IRAK1BP1: variants seen among roughly 807,000 people sequenced by gnomAD.
IRAK1BP1 encodes the protein interleukin-1 receptor-associated kinase 1-binding protein 1.
IRAK1BP1 carries 24 observed loss-of-function variants against 28.0 expected under a neutral mutation model. The ratio of observed to expected loss-of-function variants is 0.86; its 90% CI spans 0.62 to 1.20. The LOEUF (loss-of-function observed/expected upper bound fraction) is 1.20, where lower values mean the gene tolerates loss of function less well. Among genes scored for constraint, IRAK1BP1 ranks in the 50% most tolerant of loss-of-function variants. The pLI is 0.00. For synonymous variants in IRAK1BP1, 131 were observed against 116.3 expected (o/e 1.13, Z -0.81); for missense variants, 336 against 316.7 (o/e 1.06, Z -0.46).
chr6:78,874,650 T>G (rs905874086), intron 1 of IRAK1BP1, among the ~76,000 whole-genome samples: 1 of 152,184 alleles, frequency 6.6e-6, no homozygotes, highest in African/African-American at 2.4e-5. Flanking sequence ...AGTCAGAAAT[T>G]CCAGAGGGTG....
chr6:78,879,746 A>C (rs1048575441), intron 1 of IRAK1BP1, among the ~76,000 whole-genome samples: 4 of 152,020 alleles, frequency 2.6e-5, no homozygotes, highest in African/African-American at 9.7e-5. Context: ...CAGAGTCAGT[A>C]GTACATGTCA....
the IRAK1BP1 span, among the ~76,000 whole-genome samples, chr6:78,962,038 G>A: frequency 1.3e-5 from 2 of 151,842 alleles, no homozygotes; most frequent in Admixed American, 6.6e-5. Flanking sequence ...TAGGTTCACC[G>A]GGAGAAAGAA....
chr6:78,889,572 C>A (rs78675836), intron 2 of IRAK1BP1, among the ~76,000 whole-genome samples: 454 of 116,394 alleles, frequency 3.9e-3, no homozygotes, highest in Middle Eastern at 4.4e-3. Context: ...CTGAAATTTA[C>A]AAAAAAAAAA....
the IRAK1BP1 span, chr6:78,965,673 G>A: frequency 7.9e-7 from 1 of 1,267,648 alleles, no homozygotes; most frequent in Non-Finnish European, 1.1e-6. Context: ...ACTCCATAAT[G>A]GAGAAACAAA....
rs67306723 is a variant in IRAK1BP1, at chr6:78,902,768, CTACATACATACATACATACATACATACA to C, written c.*4461_*4488del. 97 of 312,118 alleles carry C rather than the reference CTACATACATACATACATACATACATACA, an allele frequency of 3.1e-4. 1 individual carries two copies. Among genetic ancestry groups the C allele is most frequent in the Middle Eastern group, 9.0e-4 (1 of 1,112 alleles). The allele number at this position is 312,118 out of a possible 1,614,324, so 19.3% of individuals were successfully genotyped here. A position where few individuals can be genotyped will look rare whatever the true frequency, so the allele number is the denominator to read the frequency against. On this transcript the variant is annotated 3_prime_UTR_variant, in exon 4 of 4. Transcript: ENST00000369940. ...CCTGGGTGACAAAGTGAGACTCCAT[CTACATACATACATACATACATACATACA>C]TACATACATACATACATACATACAT...
the IRAK1BP1 span, among the ~76,000 whole-genome samples, chr6:78,967,909 C>A: frequency 6.6e-6 from 1 of 151,714 alleles, no homozygotes; most frequent in Non-Finnish European, 1.5e-5. Flanking sequence ...CTGAGGCGGG[C>A]GGATCACAAG....
In IRAK1BP1 at chr6:78,902,818, A is replaced by G. The variant is rs896376334; in HGVS notation, c.*4484A>G. On this transcript the variant is annotated 3_prime_UTR_variant, in exon 4 of 4. Transcript: ENST00000369940. ...TACATACATACATACATACATACATACATAAAATGCCCAGTATCTTACAAG... is the reference window on the plus strand; with the variant it reads ...TACATACATACATACATACATACATGCATAAAATGCCCAGTATCTTACAAG... 1.9e-6 allele frequency: 1 copy of G among 534,818 alleles called. No individual in the cohort carries two copies. The highest frequency in any genetic ancestry group is 3.3e-6 in the Non-Finnish European group (1 of 301,302). The allele number at this position is 534,818 out of a possible 1,614,324, so 33.1% of individuals were successfully genotyped here. A position where few individuals can be genotyped will look rare whatever the true frequency, so the allele number is the denominator to read the frequency against.
intron 4 of IRAK1BP1, chr6:78,940,664 G>A (rs1325702988): frequency 7.5e-7 from 1 of 1,341,390 alleles, no homozygotes; most frequent in Non-Finnish European, 1.0e-6. Context: ...CTGCTTTATA[G>A]ATTTTGAAGT....
chr6:78,910,684 C>G (rs936059439), intron 4 of IRAK1BP1, among the ~76,000 whole-genome samples: 6 of 152,236 alleles, frequency 3.9e-5, no homozygotes, highest in African/African-American at 1.4e-4. Flanking sequence ...GACCCGGGCT[C>G]CCGCTCCTCA....
intron 4 of IRAK1BP1, among the ~76,000 whole-genome samples, chr6:78,943,413 A>T (rs1486557114): frequency 1.3e-5 from 2 of 152,208 alleles, no homozygotes; most frequent in Non-Finnish European, 2.9e-5. Context: ...TATATATTTG[A>T]TTTCTCTAGG....
chr6:78,910,154 G>C (rs1247456343), intron 4 of IRAK1BP1, among the ~76,000 whole-genome samples: 10 of 152,142 alleles, frequency 6.6e-5, no homozygotes, highest in Admixed American at 6.5e-5. Flanking sequence ...GGATGATGGT[G>C]CAAGGTCCAT....
intron 4 of IRAK1BP1, among the ~76,000 whole-genome samples, chr6:78,932,974 A>G (rs1221697232): frequency 2.0e-5 from 3 of 152,126 alleles, no homozygotes; most frequent in Non-Finnish European, 4.4e-5. Flanking sequence ...CATGCTATAA[A>G]CAGATGGGCT....
intron 4 of IRAK1BP1, among the ~76,000 whole-genome samples, chr6:78,917,632 T>TAA (rs35313944): frequency 0.035 from 2,196 of 63,580 alleles, 58 homozygotes; most frequent in African/African-American, 0.053. Flanking sequence ...AAGTCAACAC[T>TAA]AAAAAAAAAA....
At position 78,901,155 on chromosome 6, in the gene IRAK1BP1, T is replaced by C. The variant is rs1175657234; in HGVS notation, c.*2821T>C. 1 of 150,202 alleles carries C rather than the reference T, an allele frequency of 6.7e-6. No individual in the cohort carries two copies. The highest frequency in any genetic ancestry group is 1.5e-5 in the Non-Finnish European group (1 of 67,524). The allele number at this position is 150,202 out of a possible 1,614,324, so 9.3% of individuals were successfully genotyped here. Reference sequence around the variant, plus strand: ...GTTGCATCATATTTGATAAAGAAGCTTCCAACTTAGCATGAAATACCTAAA... The same window carrying C: ...GTTGCATCATATTTGATAAAGAAGCCTCCAACTTAGCATGAAATACCTAAA... On this transcript the variant is annotated 3_prime_UTR_variant, in exon 4 of 4. Transcript: ENST00000369940.
rs867780891 is a variant in IRAK1BP1 at position 78,889,131 on chromosome 6, A to G, written c.381+3688A>G. On this transcript the variant is annotated intron_variant, in intron 2 of 3. Coordinates refer to ENST00000369940, the MANE Select transcript of IRAK1BP1 (RefSeq NM_001010844.4). ...GACTCTGTCTCAAAAAAAAAAAAAA[A>G]AAAGAAAGAAAGAAAGATTAGATGG... Among the ~76,000 whole-genome samples, 43 of 140,746 alleles carry G rather than the reference A, an allele frequency of 3.1e-4. 1 individual carries two copies. The South Asian group carries it at 7.4e-3, about 24-fold the overall frequency. 92.3% of individuals were successfully genotyped at this position (140,746 alleles called of 152,430 possible).
the IRAK1BP1 span, among the ~76,000 whole-genome samples, chr6:78,968,308 G>A: frequency 6.6e-6 from 1 of 152,166 alleles, no homozygotes; most frequent in Non-Finnish European, 1.5e-5. Flanking sequence ...GTAAGTATCA[G>A]AGTTGATTCT....
chr6:78,921,664 A>T (rs990736944), intron 4 of IRAK1BP1, among the ~76,000 whole-genome samples: 15 of 152,294 alleles, frequency 9.8e-5, no homozygotes, highest in Admixed American at 3.3e-4. Flanking sequence ...CCTAACTGGG[A>T]GGCATCCCCC....
the IRAK1BP1 span, chr6:78,955,943 T>G: frequency 7.6e-4 from 184 of 242,586 alleles, 1 homozygote; most frequent in Middle Eastern, 1.2e-3. Context: ...GTATCTGCTG[T>G]GCTTCTTCCA....
the IRAK1BP1 span, chr6:78,955,146 A>G: frequency 1.0e-6 from 1 of 991,878 alleles, no homozygotes. Flanking sequence ...ATGTCTTTTA[A>G]AATGCTAAGA....
Sources: allele counts gnomAD v4.1 joint callset (sites outside exome capture counted in the v4.1 genomes callset), GRCh38; gene constraint gnomAD v4.1.1; transcripts MANE v1.5; gene names NCBI Gene and HGNC (gene_info 2026-07-23, HGNC 2026-07-21).